Variants in NRG3 observed in about 807,000 individuals in gnomAD.
The protein encoded by NRG3 is pro-neuregulin-3, membrane-bound isoform.
NRG3 carries 31 observed loss-of-function variants against 66.9 expected under a neutral mutation model. The ratio of observed to expected loss-of-function variants is 0.46; its 90% CI spans 0.35 to 0.63. The LOEUF is 0.63. NRG3 is among the 20% of genes least tolerant of loss of function. The pLI is 0.00. For missense variants in NRG3, 910 were observed against 878.9 expected (o/e 1.04, Z -0.45); for synonymous variants, 393 against 359.4 (o/e 1.09, Z -1.06).
intron 1 of NRG3, among the ~76,000 whole-genome samples, chr10:82,198,951 C>CTTGCT (rs1564655058): frequency 7.1e-4 from 106 of 149,842 alleles, no homozygotes; most frequent in African/African-American, 2.5e-3. Flanking sequence ...GAGCCAAGAT[C>CTTGCT]ACGCCACTGC....
chr10:82,057,449 A>G (rs1445346812), intron 1 of NRG3, among the ~76,000 whole-genome samples: 1 of 152,112 alleles, frequency 6.6e-6, no homozygotes, highest in Non-Finnish European at 1.5e-5. Flanking sequence ...TATACATGGC[A>G]GCTTATTTCC....
At chr10:82,609,272 C>T (rs1306776022) in intron 2 of NRG3, among the ~76,000 whole-genome samples, 3 of 152,056 alleles carry the variant, frequency 2.0e-5, no homozygotes, top group Non-Finnish European at 2.9e-5. Context: ...TAGAAAATAA[C>T]GTGATTCTAT....
intron 2 of NRG3, among the ~76,000 whole-genome samples, chr10:82,645,692 GTCT>G (rs2050882342): frequency 6.6e-6 from 1 of 152,098 alleles, no homozygotes; most frequent in Admixed American, 6.6e-5. Context: ...TGCTTTTCAT[GTCT>G]TCTTCTTACG....
At chr10:82,289,940 G>T (rs1192386808) in intron 1 of NRG3, among the ~76,000 whole-genome samples, 1 of 152,146 alleles carries the variant, frequency 6.6e-6, no homozygotes, top group Non-Finnish European at 1.5e-5. Context: ...TTCTGAGAAG[G>T]TTCTATTTAT....
chr10:82,040,839 G>A (rs1157822429), intron 1 of NRG3, among the ~76,000 whole-genome samples: 4 of 151,968 alleles, frequency 2.6e-5, no homozygotes, highest in African/African-American at 4.8e-5. Flanking sequence ...GCATTTTTAG[G>A]TATATTTGAA....
At chr10:82,865,763 A>T (rs1414919763) in intron 4 of NRG3, among the ~76,000 whole-genome samples, 1 of 152,176 alleles carries the variant, frequency 6.6e-6, no homozygotes, top group Non-Finnish European at 1.5e-5. Flanking sequence ...TTTCCTGCAC[A>T]TGTAAATTGC....
At chr10:82,005,618 A>C (rs1480598256) in intron 1 of NRG3, among the ~76,000 whole-genome samples, 5 of 152,162 alleles carry the variant, frequency 3.3e-5, no homozygotes. Context: ...ATACCAGTAA[A>C]GTTACCATCC....
At chr10:82,297,047 G>A (rs766301702) in intron 1 of NRG3, among the ~76,000 whole-genome samples, 2 of 152,046 alleles carry the variant, frequency 1.3e-5, no homozygotes, top group Non-Finnish European at 2.9e-5. Flanking sequence ...TTGATTTTCT[G>A]TTGATGCATA....
intron 1 of NRG3, among the ~76,000 whole-genome samples, chr10:82,174,083 C>A (rs981922168): frequency 6.6e-6 from 1 of 152,100 alleles, no homozygotes; most frequent in Non-Finnish European, 1.5e-5. Flanking sequence ...CTCCCCAAGT[C>A]ATTCAAAATT....
chr10:82,510,127 A>T (rs1026987586), intron 2 of NRG3, among the ~76,000 whole-genome samples: 3 of 151,942 alleles, frequency 2.0e-5, no homozygotes, highest in African/African-American at 7.3e-5. Flanking sequence ...AAACTCCTCC[A>T]TACCTCTAGA....
At chr10:82,919,039 G>C (rs1488262791) in intron 4 of NRG3, among the ~76,000 whole-genome samples, 1 of 150,360 alleles carries the variant, frequency 6.7e-6, no homozygotes, top group Non-Finnish European at 1.5e-5. Flanking sequence ...CTTTTATCTG[G>C]TAGGTAAGCT....
chr10:82,878,363 A>T (rs560015169), intron 4 of NRG3, among the ~76,000 whole-genome samples: 1 of 152,332 alleles, frequency 6.6e-6, no homozygotes, highest in African/African-American at 2.4e-5. Context: ...TTTCTTAAAC[A>T]GCTTACTCTG....
At position 82,864,739 on chromosome 10, in the gene NRG3, C is replaced by T. The variant is rs562437162; in HGVS notation, c.1028-672C>T. 1.7e-3 allele frequency among the ~76,000 whole-genome samples: 261 copies of T among 152,268 alleles called. 1 individual carries two copies. The highest frequency in any genetic ancestry group is 6.1e-3 in the African/African-American group (252 of 41,556). Reference sequence around the variant, plus strand: ...TATGCACGTAGAACAGACATGGACACACATATTTGTGTTTGGTAGGATGGG... The same window carrying T: ...TATGCACGTAGAACAGACATGGACATACATATTTGTGTTTGGTAGGATGGG... On this transcript the variant is annotated intron_variant, in intron 3 of 8. Transcript: ENST00000372141.
intron 2 of NRG3, among the ~76,000 whole-genome samples, chr10:82,402,579 A>G (rs896843959): frequency 2.0e-5 from 3 of 152,130 alleles, no homozygotes; most frequent in Admixed American, 2.0e-4. Context: ...TTTTTTACTC[A>G]TTTATTTCCT....
chr10:82,568,306 T>C (rs2045534911), intron 2 of NRG3, among the ~76,000 whole-genome samples: 1 of 151,920 alleles, frequency 6.6e-6, no homozygotes, highest in African/African-American at 2.4e-5. Context: ...TAGTGTGAGC[T>C]ACCTATCAGC....
intron 1 of NRG3, among the ~76,000 whole-genome samples, chr10:82,031,385 C>G (rs1371480440): frequency 6.6e-6 from 1 of 152,068 alleles, no homozygotes; most frequent in Non-Finnish European, 1.5e-5. Context: ...CTCTTTCAAC[C>G]TTTAATTATA....
At chr10:82,832,804 T>TTG (rs139438548) in intron 3 of NRG3, among the ~76,000 whole-genome samples, 14,439 of 147,696 alleles carry the variant, frequency 0.098, 928 homozygotes, top group African/African-American at 0.19. Flanking sequence ...ATGCATGTAA[T>TTG]TGTGTGTGTG....
chr10:81,875,280 G>T lies in NRG3; in HGVS notation c.-61G>T. The T allele has an allele frequency of 2.1e-6, 2 of 971,094 alleles. No homozygotes were observed. Among genetic ancestry groups the T allele is most frequent in the Non-Finnish European group, 2.4e-6 (2 of 820,826 alleles). The allele number at this position is 971,094 out of a possible 1,614,324, so 60.2% of individuals were successfully genotyped here. A position where few individuals can be genotyped will look rare whatever the true frequency, so the allele number is the denominator to read the frequency against. ...CCGCGCCCGCGCCCGCGCCCGGCCC[G>T]CGCGGCCCCATGCCTCTGCCGCGGC... On this transcript the variant is annotated 5_prime_UTR_variant, in exon 1 of 9. Transcript: ENST00000372141. The surrounding 1 kb of genome is among the most constrained non-coding windows in gnomAD (Gnocchi z 5.3).
chr10:82,792,601 C>T (rs112532753), intron 3 of NRG3, among the ~76,000 whole-genome samples: 4,768 of 152,164 alleles, frequency 0.031, 208 homozygotes, highest in African/African-American at 0.1. Flanking sequence ...TCCAGTTTAA[C>T]AAACTCTTCT....
Sources: allele counts gnomAD v4.1 joint callset (sites outside exome capture counted in the v4.1 genomes callset), GRCh38; gene constraint gnomAD v4.1.1; non-coding constraint Gnocchi (gnomAD v3.1); transcripts MANE v1.5; gene names NCBI Gene and HGNC (gene_info 2026-07-23, HGNC 2026-07-21).